Variants in MBNL2 observed in about 807,000 individuals in gnomAD.
MBNL2 encodes muscleblind-like protein 2.
Under a neutral mutation model 41.9 loss-of-function variants are expected in MBNL2, and 17 were observed. The observed-to-expected ratio is 0.41, with a 90% CI of 0.28 to 0.61. MBNL2 has a LOEUF of 0.61. Ranked by LOEUF, MBNL2 falls within the 20% of genes least tolerant of loss-of-function variation. MBNL2 has a pLI of 0.35. For synonymous variants in MBNL2, 195 were observed against 182.9 expected (o/e 1.07, Z -0.53); for missense variants, 336 against 505.6 (o/e 0.66, Z 3.22).
At chr13:97,291,525 T>C (rs12864731) in intron 2 of MBNL2, among the ~76,000 whole-genome samples, 13,341 of 152,168 alleles carry the variant, frequency 0.088, 659 homozygotes, top group South Asian at 0.14. Flanking sequence ...AAAGCTGATG[T>C]GTCACGACAG....
chr13:97,278,716 C>A (rs2052711587), intron 2 of MBNL2, among the ~76,000 whole-genome samples: 1 of 152,190 alleles, frequency 6.6e-6, no homozygotes, highest in Non-Finnish European at 1.5e-5. Flanking sequence ...CTGCTGGAGC[C>A]TTTTTGAGGT....
At chr13:97,385,844 C>T (rs1393591745) in intron 8 of MBNL2, among the ~76,000 whole-genome samples, 3 of 152,170 alleles carry the variant, frequency 2.0e-5, no homozygotes, top group African/African-American at 4.8e-5. Context: ...GTTAGTTCAG[C>T]TGTTAAGTTC....
rs565509061 is a variant in MBNL2 at position 97,268,656 on chromosome 13, T to C, written c.-604-6976T>C. On this transcript the variant is annotated intron_variant, in intron 1 of 8. Transcript: ENST00000679496. This position sits in a 1 kb window ranked among gnomAD's most constrained non-coding sequence, Gnocchi z 4.6. ...GCTTAGACTTTGGTTCTTATTAAAA[T>C]GCAAATATTCCTTGGAGGAGGATCA... Among the ~76,000 whole-genome samples, 3 of 152,204 alleles carry C rather than the reference T, an allele frequency of 2.0e-5. No individual in the cohort carries two copies. The highest frequency in any genetic ancestry group is 4.4e-5 in the Non-Finnish European group (3 of 68,036).
At chr13:97,330,815 G>GATTTTACAATCCTATAGGATCCATTACT (rs2060372027) in intron 2 of MBNL2, among the ~76,000 whole-genome samples, 4 of 152,066 alleles carry the variant, frequency 2.6e-5, no homozygotes, top group South Asian at 2.1e-4. Context: ...TATCCATTAG[G>GATTTTACAATCCTATAGGATCCATTACT]ATTTTACAAT....
chr13:97,374,170 C>T (rs995298771), intron 8 of MBNL2, among the ~76,000 whole-genome samples: 24 of 141,372 alleles, frequency 1.7e-4, no homozygotes, highest in Non-Finnish European at 2.6e-4. Flanking sequence ...TTTTTTGAAA[C>T]GGAGTCTCGC....
intron 1 of MBNL2, among the ~76,000 whole-genome samples, chr13:97,230,477 G>T (rs1170730237): frequency 2.6e-5 from 4 of 152,136 alleles, no homozygotes; most frequent in Admixed American, 2.0e-4. Context: ...TGGACAACAG[G>T]CTACAAATAC....
intron 2 of MBNL2, among the ~76,000 whole-genome samples, chr13:97,291,900 C>CAAAAAAAAAAAAAAAAAAAAAAAAAAAA (rs763407208): frequency 1.3e-4 from 5 of 37,816 alleles, no homozygotes; most frequent in African/African-American, 9.4e-4. Flanking sequence ...GTCTCCGTCT[C>CAAAAAAAAAAAAAAAAAAAAAAAAAAAA]AAAAAAAAAA....
intron 8 of MBNL2, among the ~76,000 whole-genome samples, chr13:97,369,509 C>G (rs563807100): frequency 1.3e-5 from 2 of 152,292 alleles, no homozygotes; most frequent in Non-Finnish European, 2.9e-5. Flanking sequence ...TCTTTTCTGT[C>G]TTTAACACAA....
At chr13:97,164,804 G>A in the MBNL2 span, among the ~76,000 whole-genome samples, 8 of 152,170 alleles carry the variant, frequency 5.3e-5, no homozygotes, top group African/African-American at 1.9e-4. Flanking sequence ...CTCCTGGTCT[G>A]ATGCCCATCC....
intron 5 of MBNL2, 44 bp from the exon 6 acceptor site, chr13:97,356,752 C>T (rs2063021021): frequency 7.9e-7 from 1 of 1,263,302 alleles, no homozygotes; most frequent in Non-Finnish European, 1.1e-6. Flanking sequence ...GCTTGAATCC[C>T]ATTGGCCCAC....
intron 1 of MBNL2, among the ~76,000 whole-genome samples, chr13:97,263,974 T>C (rs538423610): frequency 6.6e-6 from 1 of 151,490 alleles, no homozygotes; most frequent in East Asian, 2.0e-4. Context: ...TTTTCAAGAA[T>C]GCAACAACTG....
At chr13:97,230,722 C>T (rs2042262511) in intron 1 of MBNL2, among the ~76,000 whole-genome samples, 5 of 152,252 alleles carry the variant, frequency 3.3e-5, no homozygotes, top group Admixed American at 3.3e-4. Context: ...ATAGCCTAAT[C>T]TCCAGGATTC....
chr13:97,325,624 G>A lies in MBNL2; in HGVS notation c.175-8652G>A, dbSNP rs144936248. Reference sequence around the variant, plus strand: ...AAGCACCTGTAGTCCCAGCTACTTGGGAGGCTGACGTAGGAGAATTGCTTG... The same window carrying A: ...AAGCACCTGTAGTCCCAGCTACTTGAGAGGCTGACGTAGGAGAATTGCTTG... On this transcript the variant is annotated intron_variant, in intron 2 of 8. Transcript: ENST00000679496. Among the ~76,000 whole-genome samples the A allele has an allele frequency of 2.3e-3, 350 of 152,248 alleles. 1 individual carries two copies. Among genetic ancestry groups the A allele is most frequent in the Non-Finnish European group, 3.9e-3 (264 of 68,022 alleles).
rs567881052 is a variant in MBNL2 at position 97,393,188 on chromosome 13, A to G, written c.*1739A>G. 3.9e-5 allele frequency: 6 copies of G among 152,532 alleles called. No individual in the cohort carries two copies. The East Asian group carries it at 5.8e-4, about 15-fold the overall frequency. 9.4% of individuals were successfully genotyped at this position (152,532 alleles called of 1,614,324 possible). On this transcript the variant is annotated 3_prime_UTR_variant, in exon 9 of 9. Transcript: ENST00000679496. ...TACTTTGGTAGTTTCATCTTTATGT[A>G]TTATTGATATTTGTAATTTTCTCAA...
At chr13:97,287,517 T>G (rs2054716852) in intron 2 of MBNL2, among the ~76,000 whole-genome samples, 1 of 152,114 alleles carries the variant, frequency 6.6e-6, no homozygotes, top group South Asian at 2.1e-4. Flanking sequence ...TGTTGGGACA[T>G]TCAATATTCC....
chr13:97,287,662 C>G (rs530398040), intron 2 of MBNL2, among the ~76,000 whole-genome samples: 1 of 149,030 alleles, frequency 6.7e-6, no homozygotes, highest in East Asian at 2.0e-4. Flanking sequence ...AGATTGTTTT[C>G]TTCTTATTCT....
At chr13:97,320,316 A>G (rs1275110956) in intron 2 of MBNL2, among the ~76,000 whole-genome samples, 1 of 150,852 alleles carries the variant, frequency 6.6e-6, no homozygotes, top group East Asian at 2.0e-4. Flanking sequence ...CTGCAGTGCA[A>G]TGGTGCGATC....
chr13:97,222,637 T>G, intron 1 of MBNL2, 106 bp downstream of exon 1: 2 of 395,104 alleles, frequency 5.1e-6, no homozygotes, highest in Non-Finnish European at 8.9e-6. Flanking sequence ...TTCCACTAAT[T>G]CAATTGTAAT....
chr13:97,348,074 ATTTTTTTT>A (rs71692187), intron 5 of MBNL2, among the ~76,000 whole-genome samples: 2 of 120,318 alleles, frequency 1.7e-5, no homozygotes, highest in South Asian at 2.8e-4. Context: ...GGGCAGTGGG[ATTTTTTTT>A]TTTTTTTTTT....
Sources: allele counts gnomAD v4.1 joint callset (sites outside exome capture counted in the v4.1 genomes callset), GRCh38; gene constraint gnomAD v4.1.1; non-coding constraint Gnocchi (gnomAD v3.1); transcripts MANE v1.5; gene names NCBI Gene and HGNC (gene_info 2026-07-23, HGNC 2026-07-21).